ELOVL7: variants seen among roughly 807,000 people sequenced by gnomAD.
The protein encoded by ELOVL7 is ELOVL fatty acid elongase 7, also known as very long chain fatty acid elongase 7.
A neutral mutation model predicts 35.7 loss-of-function variants in ELOVL7; 27 were observed. The ratio of observed to expected loss-of-function variants is 0.76; its 90% CI spans 0.56 to 1.04. The LOEUF (loss-of-function observed/expected upper bound fraction) is 1.04. ELOVL7 is among the 50% of genes least tolerant of loss of function. The pLI is 0.00. For synonymous variants in ELOVL7, 113 were observed against 114.6 expected, an observed-to-expected ratio of 0.99 and a Z score of 0.09; for missense variants, 327 against 340.8, an observed-to-expected ratio of 0.96 and a Z score of 0.32.
chr5:60,829,810 C>T (rs1746376097), intron 1 of ELOVL7, among the ~76,000 whole-genome samples: 1 of 152,156 alleles, frequency 6.6e-6, no homozygotes, highest in Non-Finnish European at 1.5e-5. Context: ...TCTTACATCA[C>T]TTTCATTTTA....
At chr5:60,788,177 CAGTAACTAAATATTTT>C (rs918982717) in intron 2 of ELOVL7, among the ~76,000 whole-genome samples, 45 of 152,254 alleles carry the variant, frequency 3.0e-4, no homozygotes, top group African/African-American at 1.1e-3. Flanking sequence ...AACTATATTT[CAGTAACTAAATATTTT>C]AGTAACTAAA....
intron 2 of ELOVL7, among the ~76,000 whole-genome samples, chr5:60,794,353 T>C (rs1744117695): frequency 6.6e-6 from 1 of 152,260 alleles, no homozygotes; most frequent in Non-Finnish European, 1.5e-5. Flanking sequence ...TACGTTAGCA[T>C]GATGTAGACC....
Position 60,767,842 on chromosome 5 carries a change from C to A in ELOVL7, c.317G>T (p.Arg106Leu). ...ACTTACCCTCAAAGCTGTGGGTGAC[C>A]GTGAATAGTCAACAATGTCACATCG... Reference protein sequence around the residue: ...SFRCDIVDYSRSPTALRMART... With the variant: ...SFRCDIVDYSLSPTALRMART... Residue 106 changes from arginine (R) to leucine (L), a missense_variant, in exon 5 of 9, where the codon CGG becomes CTG. Transcript: ENST00000508821. 6.2e-7 allele frequency: 1 copy of A among 1,613,572 alleles called. No homozygotes were observed. Among genetic ancestry groups the A allele is most frequent in the Non-Finnish European group, 8.5e-7 (1 of 1,179,666 alleles).
At chr5:60,831,647 A>T (rs1466629992) in intron 1 of ELOVL7, among the ~76,000 whole-genome samples, 5 of 152,214 alleles carry the variant, frequency 3.3e-5, no homozygotes, top group Admixed American at 2.0e-4. Flanking sequence ...ATTAATTTTT[A>T]AAATATCTTT....
chr5:60,788,871 C>T (rs918623448), intron 2 of ELOVL7, among the ~76,000 whole-genome samples: 2 of 151,924 alleles, frequency 1.3e-5, no homozygotes, highest in Non-Finnish European at 2.9e-5. Context: ...ATTTTACTTA[C>T]GTAAGTATAG....
intron 1 of ELOVL7, among the ~76,000 whole-genome samples, chr5:60,814,178 G>T (rs571901650): frequency 4.2e-4 from 64 of 152,242 alleles, no homozygotes; most frequent in African/African-American, 1.5e-3. Flanking sequence ...AAGCTGTCTT[G>T]ATTAAAGTTT....
At chr5:60,755,526 A>G (rs1158178130) in intron 8 of ELOVL7, among the ~76,000 whole-genome samples, 1 of 152,138 alleles carries the variant, frequency 6.6e-6, no homozygotes, top group African/African-American at 2.4e-5. Context: ...GCGCAGTGGT[A>G]CGCGCCTGTA....
chr5:60,804,671 G>A (rs776538330), intron 1 of ELOVL7, among the ~76,000 whole-genome samples: 5 of 152,092 alleles, frequency 3.3e-5, no homozygotes, highest in Non-Finnish European at 7.4e-5. Flanking sequence ...TCCTAGTCTC[G>A]AATAGAACAA....
chr5:60,805,546 TTGTC>T (rs1164229517), intron 1 of ELOVL7, among the ~76,000 whole-genome samples: 2 of 152,162 alleles, frequency 1.3e-5, no homozygotes, highest in East Asian at 1.9e-4. Flanking sequence ...TTTGAAAAGA[TTGTC>T]TGGGTGGTGG....
At chr5:60,795,671 G>A (rs991453103) in intron 2 of ELOVL7, among the ~76,000 whole-genome samples, 2 of 152,186 alleles carry the variant, frequency 1.3e-5, no homozygotes, top group Admixed American at 6.5e-5. Flanking sequence ...CCAACCCTCC[G>A]GATCCGGCAG....
chr5:60,779,698 T>C (rs937308735), intron 3 of ELOVL7, among the ~76,000 whole-genome samples: 3 of 152,216 alleles, frequency 2.0e-5, no homozygotes, highest in Non-Finnish European at 4.4e-5. Context: ...TGACATACTC[T>C]GGAGACATTT....
chr5:60,756,701 G>A (rs2112118403), intron 8 of ELOVL7, among the ~76,000 whole-genome samples: 1 of 152,098 alleles, frequency 6.6e-6, no homozygotes, highest in South Asian at 2.1e-4. Flanking sequence ...GGAAGTTACA[G>A]GATTTTAATA....
chr5:60,785,128 A>T (rs1166074385), intron 3 of ELOVL7, among the ~76,000 whole-genome samples: 1 of 152,016 alleles, frequency 6.6e-6, no homozygotes, highest in Non-Finnish European at 1.5e-5. Flanking sequence ...AGGTCTTTTC[A>T]CTCCAAATCC....
chr5:60,760,866 G>C (rs1355510560), intron 7 of ELOVL7, among the ~76,000 whole-genome samples: 7 of 151,948 alleles, frequency 4.6e-5, no homozygotes, highest in African/African-American at 1.7e-4. Flanking sequence ...TTTCTATTTG[G>C]ATATTTTCAC....
chr5:60,754,912 C>T lies in ELOVL7; in HGVS notation c.637-79G>A, dbSNP rs996465671. On this transcript the variant is annotated intron_variant, in intron 8 of 8. Coordinates refer to ENST00000508821, the MANE Select transcript of ELOVL7 (RefSeq NM_024930.3). ...CTTTACCTACCTATGTTTATGCACT[C>T]CCAAAGTGCAGGGAGTGCACTATTG... 56 of 1,223,124 alleles carry T rather than the reference C, an allele frequency of 4.6e-5. No homozygotes were observed. The African/African-American group carries it at 8.1e-4, about 18-fold the overall frequency. 75.8% of individuals were successfully genotyped at this position (1,223,124 alleles called of 1,614,324 possible). A position where few individuals can be genotyped will look rare whatever the true frequency, so the allele number is the denominator to read the frequency against.
chr5:60,810,087 C>T (rs1745159700), intron 1 of ELOVL7, among the ~76,000 whole-genome samples: 1 of 152,188 alleles, frequency 6.6e-6, no homozygotes, highest in Admixed American at 6.5e-5. Context: ...CTTTATCTTG[C>T]CTGCCTGCTT....
chr5:60,761,272 C>T (rs570523845), intron 7 of ELOVL7, among the ~76,000 whole-genome samples: 75 of 152,214 alleles, frequency 4.9e-4, no homozygotes, highest in African/African-American at 1.8e-3. Context: ...GATATATGCA[C>T]AATTAATGTA....
chr5:60,798,960 C>T (rs979378811), intron 2 of ELOVL7, among the ~76,000 whole-genome samples: 3 of 152,150 alleles, frequency 2.0e-5, no homozygotes, highest in African/African-American at 7.2e-5. Flanking sequence ...TATTGAGCCA[C>T]AAAACAAGTT....
chr5:60,842,459 T>C (rs1226413779), intron 1 of ELOVL7, among the ~76,000 whole-genome samples: 3 of 145,246 alleles, frequency 2.1e-5, no homozygotes, highest in African/African-American at 7.7e-5. Flanking sequence ...ATACAGGTGA[T>C]AGATGAAGTA....
Sources: gnomAD v4.1 joint callset for allele counts (sites outside exome capture counted in the v4.1 genomes callset) on GRCh38, gnomAD v4.1.1 for gene constraint, MANE v1.5 for transcripts, NCBI Gene and HGNC (gene_info 2026-07-23, HGNC 2026-07-21) for gene names.